ABCA1: variants seen among roughly 807,000 people sequenced by gnomAD.
ABCA1 encodes phospholipid-transporting ATPase ABCA1.
Under a neutral mutation model 262.5 loss-of-function variants are expected in ABCA1, and 133 were observed. The observed-to-expected ratio is 0.51, with a 90% confidence interval of 0.44 to 0.59. ABCA1 has a LOEUF of 0.59. ABCA1 is among the 20% of genes least tolerant of loss of function. ABCA1 has a pLI of 0.00. For synonymous variants in ABCA1, 1,022 were observed against 1,043.5 expected, an observed-to-expected ratio of 0.98 and a Z score of 0.40; for missense variants, 2,452 against 2,777.5, an observed-to-expected ratio of 0.88 and a Z score of 2.63.
At chr9:104,890,322 G>A (rs1323859576) in intron 2 of ABCA1, among the ~76,000 whole-genome samples, 1 of 152,194 alleles carries the variant, frequency 6.6e-6, no homozygotes, top group Non-Finnish European at 1.5e-5. Context: ...GCTCATGCCT[G>A]TAATCCCAGC....
chr9:104,832,827 A>G, intron 11 of ABCA1, 56 bp from the exon 12 acceptor site: 2 of 1,553,518 alleles, frequency 1.3e-6, no homozygotes, highest in South Asian at 1.1e-5. Context: ...CTTGAGGAGC[A>G]CTACAAAATT....
chr9:104,897,898 C>T (rs1004898767), intron 2 of ABCA1, among the ~76,000 whole-genome samples: 2 of 152,138 alleles, frequency 1.3e-5, no homozygotes, highest in African/African-American at 4.8e-5. Flanking sequence ...CCACCATGCC[C>T]GGCCATTAAC....
Position 104,825,686 on chromosome 9 carries a change from G to A in ABCA1, c.2539C>T (p.Pro847Ser). The change falls in exon 17 of 50, where the codon CCA becomes TCA. Residue 847 changes from proline (P) to serine (S), a missense_variant. This residue lies in a region of ABCA1 where 1,032 missense variants were observed against 1,089.7 expected (regional missense o/e 0.95). Transcript: ENST00000374736. ...VMTWYIEAVFPGQYGIPRPWY... is the reference protein window; with the variant it reads ...VMTWYIEAVFSGQYGIPRPWY... ...ACAGATGCCCAAAGCAGTGTACCTG[G>A]AAAGACAGCCTCAATGTACCAGGTC... The A allele has an allele frequency of 6.2e-7, 1 of 1,614,148 alleles. No homozygotes were observed. Among genetic ancestry groups the A allele is most frequent in the South Asian group, 1.1e-5 (1 of 91,080 alleles).
intron 32 of ABCA1, among the ~76,000 whole-genome samples, chr9:104,803,582 T>C (rs1447080538): frequency 1.3e-5 from 2 of 152,066 alleles, no homozygotes; most frequent in East Asian, 3.9e-4. Context: ...TAGACCAAGA[T>C]GTAACCAAAC....
At chr9:104,836,866 C>T (rs978768730) in intron 11 of ABCA1, 114 bp downstream of exon 11, 2 of 854,040 alleles carry the variant, frequency 2.3e-6, no homozygotes, top group African/African-American at 3.3e-5. Context: ...CACTACATTC[C>T]CCCAGCTAGA....
intron 5 of ABCA1, among the ~76,000 whole-genome samples, chr9:104,869,312 G>T (rs1403543242): frequency 6.6e-6 from 1 of 152,106 alleles, no homozygotes; most frequent in African/African-American, 2.4e-5. Flanking sequence ...TGGACCCCTG[G>T]GGTGGGGGTG....
At chr9:104,786,449 A>C in intron 47 of ABCA1, 59 bp from the exon 48 acceptor site, 1 of 1,443,574 alleles carries the variant, frequency 6.9e-7, no homozygotes, top group East Asian at 2.3e-5. Context: ...CCATGAGAAC[A>C]TCACCATGAC....
rs1164380470 is a variant in ABCA1, at chr9:104,825,885, G to A, written c.2340C>T (p.Ser780=). The A allele has an allele frequency of 6.2e-6, 10 of 1,613,748 alleles. No individual in the cohort carries two copies. The African/African-American group carries it at 8.0e-5, about 13-fold the overall frequency. The change falls in exon 17 of 50, where the codon AGC becomes AGT. Residue 780 remains serine (S), a splice_region_variant and synonymous_variant. Coordinates refer to ENST00000374736, the MANE Select transcript of ABCA1 (RefSeq NM_005502.4). The part of the protein sequence containing the change: ...YVGFTLKIFA[S]LLSPVAFGFG... Reference sequence around the variant, plus strand: ...ACCCAAAAGCCACAGGAGACAGCAGGCTCTGTGAGAAACAGGCAAAGTCAC... The same window carrying A: ...ACCCAAAAGCCACAGGAGACAGCAGACTCTGTGAGAAACAGGCAAAGTCAC...
At chr9:104,862,663 C>CAGGG (rs1564198588) in intron 5 of ABCA1, among the ~76,000 whole-genome samples, 327 of 6,644 alleles carry the variant, frequency 0.049, 82 homozygotes, top group Non-Finnish European at 0.087. Context: ...CCGGGCCGGG[C>CAGGG]CGGGCCGGGC....
chr9:104,892,661 A>T (rs1336870553), intron 2 of ABCA1, among the ~76,000 whole-genome samples: 1 of 152,184 alleles, frequency 6.6e-6, no homozygotes, highest in Non-Finnish European at 1.5e-5. Context: ...TTGGTGAGTA[A>T]ATGAGCTGGT....
intron 2 of ABCA1, among the ~76,000 whole-genome samples, chr9:104,891,101 C>A (rs1312269021): frequency 6.6e-6 from 1 of 152,126 alleles, no homozygotes; most frequent in Non-Finnish European, 1.5e-5. Flanking sequence ...CTTGATATTC[C>A]ACTCTATGAA....
chr9:104,855,820 G>A (rs1005873784), intron 7 of ABCA1: 2 of 1,602,152 alleles, frequency 1.2e-6, no homozygotes, highest in Admixed American at 3.4e-5. Context: ...CCAAAACACT[G>A]CTTTCCAGAG....
At chr9:104,868,768 C>G (rs1012547287) in intron 5 of ABCA1, among the ~76,000 whole-genome samples, 5 of 152,180 alleles carry the variant, frequency 3.3e-5, no homozygotes, top group African/African-American at 2.4e-5. Flanking sequence ...GAAGCAGAAC[C>G]CTCAGCTTCT....
chr9:104,788,198 G>A, intron 45 of ABCA1, 144 bp from the exon 46 acceptor site: 10 of 1,173,616 alleles, frequency 8.5e-6, no homozygotes, highest in South Asian at 1.2e-5. Context: ...AGCCAAAGCA[G>A]GGAGAAGGGA....
chr9:104,889,712 C>A (rs773831453), intron 2 of ABCA1, among the ~76,000 whole-genome samples: 6 of 152,196 alleles, frequency 3.9e-5, no homozygotes, highest in Admixed American at 2.6e-4. Flanking sequence ...ACCAGGCCAA[C>A]CTGCTGTGCT....
At chr9:104,891,966 T>TAA (rs570923490) in intron 2 of ABCA1, among the ~76,000 whole-genome samples, 51 of 59,226 alleles carry the variant, frequency 8.6e-4, no homozygotes, top group Admixed American at 3.3e-3. Context: ...CTCTGTCTCT[T>TAA]AAAAAAAAAA....
At position 104,861,065 on chromosome 9, in the gene ABCA1, G is replaced by A. The variant is rs546397952; in HGVS notation, c.543+614C>T. ...GATTACAGACCTTTGAAGTGATCTC[G>A]TCCATCCCACCTGAGCTTTGTGACA... On this transcript the variant is annotated intron_variant, in intron 6 of 49. Transcript: ENST00000374736. Among the ~76,000 whole-genome samples the A allele has an allele frequency of 4.6e-5, 7 of 152,116 alleles. 1 individual carries two copies. In the South Asian group the frequency reaches 8.3e-4, roughly 18 times the overall value.
At chr9:104,911,803 T>C (rs1031933272) in intron 1 of ABCA1, among the ~76,000 whole-genome samples, 2 of 152,156 alleles carry the variant, frequency 1.3e-5, no homozygotes, top group Non-Finnish European at 2.9e-5. Context: ...AACATTTTAA[T>C]AGTCAAATTT....
chr9:104,889,325 T>C, intron 2 of ABCA1, 130 bp from the exon 3 acceptor site: 31 of 1,533,340 alleles, frequency 2.0e-5, no homozygotes, highest in Non-Finnish European at 2.7e-5. Context: ...CTCCCACCAC[T>C]CTCTAAGCTT....
Sources: gnomAD v4.1 joint callset for allele counts (sites outside exome capture counted in the v4.1 genomes callset) on GRCh38, gnomAD v4.1.1 for gene constraint, gnomAD v4.1.1 regional missense constraint, MANE v1.5 for transcripts, NCBI Gene and HGNC (gene_info 2026-07-23, HGNC 2026-07-21) for gene names.